OPCML: variants seen among roughly 807,000 people sequenced by gnomAD.
OPCML encodes the protein opioid-binding protein/cell adhesion molecule.
OPCML carries 13 observed loss-of-function variants against 37.8 expected under a neutral mutation model. The observed-to-expected ratio is 0.34, with a 90% confidence interval of 0.22 to 0.55. The LOEUF is 0.55. OPCML is among the 20% of genes least tolerant of loss of function. The pLI is 0.91. For missense variants in OPCML, 341 were observed against 435.6 expected (o/e 0.78, Z 1.93); for synonymous variants, 176 against 168.8 (o/e 1.04, Z -0.33).
At chr11:132,939,708 T>C (rs1258994890) in intron 2 of OPCML, among the ~76,000 whole-genome samples, 5 of 152,200 alleles carry the variant, frequency 3.3e-5, no homozygotes, top group Non-Finnish European at 5.9e-5. Context: ...CTGAGATGGC[T>C]TAATAGACAC....
chr11:133,243,566 G>A lies in OPCML; in HGVS notation c.61+288698C>T, dbSNP rs142437700. On this transcript the variant is annotated intron_variant, in intron 1 of 7. Transcript: ENST00000524381. Reference sequence around the variant, plus strand: ...CTGCTTTAAGAAAATGAGTAAAGCAGATAATGTTGAGAGGCAGAGAAAGTC... The same window carrying A: ...CTGCTTTAAGAAAATGAGTAAAGCAAATAATGTTGAGAGGCAGAGAAAGTC... 3.7e-3 allele frequency among the ~76,000 whole-genome samples: 558 copies of A among 152,298 alleles called. 3 individuals are homozygous for A. The highest frequency in any genetic ancestry group is 0.013 in the African/African-American group (542 of 41,560).
chr11:133,283,459 C>T (rs1942216361), intron 1 of OPCML, among the ~76,000 whole-genome samples: 1 of 151,660 alleles, frequency 6.6e-6, no homozygotes, highest in African/African-American at 2.4e-5. Flanking sequence ...TTAGAAGCTT[C>T]CTGAGGCCCT....
intron 3 of OPCML, among the ~76,000 whole-genome samples, chr11:132,652,445 T>A (rs1441381399): frequency 6.6e-6 from 1 of 151,908 alleles, no homozygotes; most frequent in African/African-American, 2.4e-5. Flanking sequence ...CTTTGGATGT[T>A]GTTGGCATTG....
rs201511985 is a variant in OPCML, at chr11:133,287,467, G to C, written c.61+244797C>G. Among the ~76,000 whole-genome samples, 71 of 148,352 alleles carry C rather than the reference G, an allele frequency of 4.8e-4. 1 individual carries two copies. In the East Asian group the frequency reaches 0.013, roughly 27 times the overall value. On this transcript the variant is annotated intron_variant, in intron 1 of 7. Coordinates refer to ENST00000524381, the MANE Select transcript of OPCML (RefSeq NM_001012393.5). ...GATTTTAGCTGTTTGATAGCCCCCT[G>C]AGGCTCATGCCCACCAGACCGGAAA...
chr11:132,999,946 T>G (rs1946966353), intron 1 of OPCML, among the ~76,000 whole-genome samples: 1 of 152,198 alleles, frequency 6.6e-6, no homozygotes, highest in African/African-American at 2.4e-5. Flanking sequence ...CTGCTTGCAC[T>G]CAGCCCACCA....
chr11:132,841,446 G>T (rs1941282398), intron 2 of OPCML, among the ~76,000 whole-genome samples: 1 of 152,110 alleles, frequency 6.6e-6, no homozygotes, highest in South Asian at 2.1e-4. Context: ...AGGCCCAGGG[G>T]GGTTAAAAAT....
rs111274653 is a variant in OPCML, at chr11:133,124,572, G to T, written c.62-181562C>A. ...GACATTTGCTGAGCATCACCAGAGG[G>T]CAAAGGTGTCCGTTCCAATCACAGA... On this transcript the variant is annotated intron_variant, in intron 1 of 7. Coordinates refer to ENST00000524381, the MANE Select transcript of OPCML (RefSeq NM_001012393.5). Among the ~76,000 whole-genome samples, 311 of 152,180 alleles carry T rather than the reference G, an allele frequency of 2.0e-3. 2 individuals are homozygous for T. Among genetic ancestry groups the T allele is most frequent in the Admixed American group, 4.4e-3 (67 of 15,274 alleles).
intron 1 of OPCML, among the ~76,000 whole-genome samples, chr11:133,164,503 G>C (rs1432074716): frequency 6.6e-6 from 1 of 152,186 alleles, no homozygotes; most frequent in South Asian, 2.1e-4. Context: ...AAAGAGCTTC[G>C]AGTCAGAATG....
In OPCML at chr11:132,943,311, C is replaced by G. The variant is rs1033163736; in HGVS notation, c.62-301G>C. 1.5e-6 allele frequency: 1 copy of G among 648,362 alleles called. No homozygotes were observed. Among genetic ancestry groups the G allele is most frequent in the Non-Finnish European group, 2.6e-6 (1 of 388,280 alleles). The allele number at this position is 648,362 out of a possible 1,614,324, so 40.2% of individuals were successfully genotyped here. On this transcript the variant is annotated intron_variant, in intron 1 of 7. Transcript: ENST00000524381. The surrounding 1 kb of genome is among the most constrained non-coding windows in gnomAD (Gnocchi z 4.3). The stretch of plus-strand genomic sequence containing the variant: ...TCCAGCCTAGCAGAACCAGATGCCC[C>G]CTCCTGCATCCAAAAAGAGCTTTCT...
In OPCML at chr11:133,458,682, C is replaced by CGT. The variant is rs376000066; in HGVS notation, c.61+73580_61+73581dup. 1.6e-3 allele frequency among the ~76,000 whole-genome samples: 205 copies of CGT among 127,982 alleles called. 8 individuals carry two copies. Among genetic ancestry groups the CGT allele is most frequent in the South Asian group, 8.2e-3 (31 of 3,762 alleles). The allele number at this position is 127,982 out of a possible 152,430, so 84.0% of individuals were successfully genotyped here. ...GTGTGTATATATACACATAGATGCA[C>CGT]GTGTGTGTGTATATATACACATAGA... On this transcript the variant is annotated intron_variant, in intron 1 of 7. Transcript: ENST00000524381.
At chr11:133,436,104 T>C (rs1770221721) in intron 1 of OPCML, among the ~76,000 whole-genome samples, 1 of 151,666 alleles carries the variant, frequency 6.6e-6, no homozygotes. Flanking sequence ...AGTAGATGAG[T>C]TTTAAAACTA....
chr11:132,725,919 G>A (rs1944864661), intron 2 of OPCML, among the ~76,000 whole-genome samples: 1 of 152,088 alleles, frequency 6.6e-6, no homozygotes, highest in Non-Finnish European at 1.5e-5. Flanking sequence ...AGTTACCTTT[G>A]CTCTAGTTTC....
intron 1 of OPCML, among the ~76,000 whole-genome samples, chr11:133,140,989 GAA>G (rs1949801585): frequency 3.9e-4 from 2 of 5,118 alleles, no homozygotes; most frequent in African/African-American, 6.5e-4. Flanking sequence ...AGAAGAAGAA[GAA>G]GAAGAAGACG....
chr11:133,330,235 G>A (rs534124523), intron 1 of OPCML, among the ~76,000 whole-genome samples: 1 of 152,168 alleles, frequency 6.6e-6, no homozygotes, highest in Admixed American at 6.5e-5. Context: ...TACACTGTTG[G>A]TGGGACTGTA....
chr11:133,218,691 A>G (rs1238207366), intron 1 of OPCML, among the ~76,000 whole-genome samples: 3 of 152,102 alleles, frequency 2.0e-5, no homozygotes, highest in South Asian at 2.1e-4. Context: ...ACCCTACTCC[A>G]GGGATTGCCT....
chr11:132,488,880 A>G (rs2096207745), intron 4 of OPCML, among the ~76,000 whole-genome samples: 1 of 152,204 alleles, frequency 6.6e-6, no homozygotes, highest in African/African-American at 2.4e-5. Flanking sequence ...TAGAAACACC[A>G]GTGGCACATA....
chr11:133,055,166 CCATATAA>C, intron 1 of OPCML, among the ~76,000 whole-genome samples: 1 of 127,922 alleles, frequency 7.8e-6, no homozygotes, highest in South Asian at 2.7e-4. Flanking sequence ...GCCGCCTCTA[CCATATAA>C]TGCTGCCTCC....
At chr11:132,931,144 C>A (rs1382466331) in intron 2 of OPCML, among the ~76,000 whole-genome samples, 2 of 149,354 alleles carry the variant, frequency 1.3e-5, no homozygotes, top group Admixed American at 6.6e-5. Flanking sequence ...TCATATTACA[C>A]CATATACAAA....
intron 1 of OPCML, among the ~76,000 whole-genome samples, chr11:133,251,261 G>A (rs796455885): frequency 4.9e-4 from 75 of 152,148 alleles, no homozygotes; most frequent in African/African-American, 1.7e-3. Context: ...GAATTCAAAC[G>A]GGAGCCATTT....
Sources: gnomAD v4.1 joint callset for allele counts (sites outside exome capture counted in the v4.1 genomes callset) on GRCh38, gnomAD v4.1.1 for gene constraint, Gnocchi (gnomAD v3.1) non-coding constraint, MANE v1.5 for transcripts, NCBI Gene and HGNC (gene_info 2026-07-23, HGNC 2026-07-21) for gene names.